Variants in KMT5B observed in about 807,000 individuals in gnomAD.
KMT5B encodes the protein lysine methyltransferase 5B.
Under a neutral mutation model 83.2 loss-of-function variants are expected in KMT5B, and 10 were observed. That is an observed-to-expected ratio of 0.12 (90% confidence interval 0.07 to 0.20). The LOEUF (loss-of-function observed/expected upper bound fraction) is 0.20. Ranked by LOEUF, KMT5B falls within the 10% of genes least tolerant of loss-of-function variation. The pLI, the probability that KMT5B is intolerant of heterozygous loss-of-function variation, is 1.00. For missense variants in KMT5B, 753 were observed against 1,067.2 expected (o/e 0.71, Z 4.10); for synonymous variants, 349 against 388.8 (o/e 0.90, Z 1.20).
At chr11:68,208,316 A>G (rs2153091014) in intron 1 of KMT5B, among the ~76,000 whole-genome samples, 1 of 145,430 alleles carries the variant, frequency 6.9e-6, no homozygotes, top group African/African-American at 2.4e-5. Context: ...GCGTGGTGGC[A>G]TGTGGCTGTA....
intron 6 of KMT5B, among the ~76,000 whole-genome samples, chr11:68,173,152 T>C (rs1483162175): frequency 2.0e-5 from 3 of 152,178 alleles, no homozygotes; most frequent in Admixed American, 6.5e-5. Context: ...GTGATTCTCC[T>C]GCCTCAGCCA....
intron 10 of KMT5B, among the ~76,000 whole-genome samples, chr11:68,162,853 C>A (rs1230577166): frequency 6.6e-6 from 1 of 151,972 alleles, no homozygotes; most frequent in Admixed American, 6.6e-5. Context: ...GTATGCTCAT[C>A]AAATCAAAGG....
chr11:68,202,768 T>TG, intron 1 of KMT5B, among the ~76,000 whole-genome samples: 2 of 151,926 alleles, frequency 1.3e-5, no homozygotes, highest in South Asian at 4.2e-4. Context: ...GGGCTGGTCT[T>TG]GAACTCTTGA....
At position 68,190,017 on chromosome 11, in the gene KMT5B, C is replaced by A. The variant is rs745423731; in HGVS notation, c.60G>T (p.Lys20Asn). The A allele has an allele frequency of 6.2e-7, 1 of 1,614,118 alleles. No homozygotes were observed. Among genetic ancestry groups the A allele is most frequent in the Non-Finnish European group, 8.5e-7 (1 of 1,179,988 alleles). Residue 20 changes from lysine to asparagine, a missense_variant, in exon 2 of 11, where the codon AAG becomes AAT. Coordinates refer to ENST00000304363, the MANE Select transcript of KMT5B (RefSeq NM_017635.5). Reference protein sequence around the residue: ...MVVNGRRNGGKLSNDHQQNQS... With the variant: ...MVVNGRRNGGNLSNDHQQNQS... The stretch of plus-strand genomic sequence containing the variant: ...GATTCTGCTGATGGTCATTAGACAA[C>A]TTGCCTCCATTTCTCCTGCCATTCA...
At chr11:68,195,279 C>A (rs1408360744) in intron 1 of KMT5B, among the ~76,000 whole-genome samples, 4 of 152,208 alleles carry the variant, frequency 2.6e-5, no homozygotes, top group Non-Finnish European at 5.9e-5. Context: ...CCTATCCCAC[C>A]TCTGTCTCTT....
At chr11:68,165,879 G>C (rs1323748122) in intron 10 of KMT5B, 4 of 1,612,774 alleles carry the variant, frequency 2.5e-6, no homozygotes, top group African/African-American at 1.3e-5. Context: ...CCAGCAGCAG[G>C]TAGATTCAGG....
intron 1 of KMT5B, among the ~76,000 whole-genome samples, chr11:68,201,641 C>T (rs755055622): frequency 6.6e-6 from 1 of 151,932 alleles, no homozygotes; most frequent in Non-Finnish European, 1.5e-5. Flanking sequence ...AGAATGTTAA[C>T]GTAATTCCTG....
chr11:68,169,106 T>C (rs1386086632), intron 9 of KMT5B, among the ~76,000 whole-genome samples: 1 of 152,256 alleles, frequency 6.6e-6, no homozygotes, highest in Non-Finnish European at 1.5e-5. Context: ...TTCTCCATCA[T>C]GCTGTTCCAT....
chr11:68,210,211 C>A (rs932055959), intron 1 of KMT5B, among the ~76,000 whole-genome samples: 2 of 151,734 alleles, frequency 1.3e-5, no homozygotes, highest in African/African-American at 4.8e-5. Context: ...ATGCAACTGG[C>A]ATTGTAGGAG....
intron 1 of KMT5B, among the ~76,000 whole-genome samples, chr11:68,202,263 A>G (rs1859529466): frequency 6.6e-6 from 1 of 152,188 alleles, no homozygotes; most frequent in Non-Finnish European, 1.5e-5. Context: ...TACATGTTCA[A>G]CTTTTCAAAA....
chr11:68,174,598 A>G (rs1043260489), intron 5 of KMT5B, among the ~76,000 whole-genome samples: 3 of 152,146 alleles, frequency 2.0e-5, no homozygotes, highest in Non-Finnish European at 4.4e-5. Context: ...GCATGATCAT[A>G]GCTCAGAGCA....
chr11:68,186,239 A>AACGGG (rs2153068394), intron 2 of KMT5B, among the ~76,000 whole-genome samples: 1 of 152,314 alleles, frequency 6.6e-6, no homozygotes, highest in East Asian at 1.9e-4. Context: ...AACACTGAGA[A>AACGGG]ACGGGACGGG....
intron 1 of KMT5B, among the ~76,000 whole-genome samples, chr11:68,203,882 G>T (rs1233804343): frequency 2.0e-5 from 3 of 148,874 alleles, no homozygotes; most frequent in African/African-American, 5.0e-5. Flanking sequence ...TGGTAATCAG[G>T]TATCTAGAAC....
At chr11:68,177,269 A>C (rs1260440326) in intron 4 of KMT5B, among the ~76,000 whole-genome samples, 4 of 152,234 alleles carry the variant, frequency 2.6e-5, no homozygotes, top group Non-Finnish European at 5.9e-5. Context: ...ATAGCACCTA[A>C]AAGTATAGAA....
intron 10 of KMT5B, chr11:68,165,825 A>C (rs1235192909): frequency 6.2e-7 from 1 of 1,609,484 alleles, no homozygotes; most frequent in Non-Finnish European, 8.5e-7. Flanking sequence ...ATAGGGCTAC[A>C]GCGCTGCTTT....
rs114727354 is a variant in KMT5B at position 68,173,898 on chromosome 11, G to T, written c.559C>A (p.Arg187=). The part of the protein sequence containing the change: ...LFKEHVFIYL[R]MFATDSGFEI... ...AATCCACTGTCAGTTGCAAACATTC[G>T]CAAATAAATAAATACCTAAAACAGG... The change falls in exon 6 of 11, where the codon CGA becomes AGA. Residue 187 remains arginine (R), a synonymous_variant. Transcript: ENST00000304363. The T allele has an allele frequency of 3.1e-3, 4,903 of 1,604,508 alleles. 77 individuals carry two copies. The African/African-American group carries it at 0.041, about 13-fold the overall frequency.
chr11:68,188,049 G>T (rs1329252551), intron 2 of KMT5B, among the ~76,000 whole-genome samples: 7 of 148,692 alleles, frequency 4.7e-5, no homozygotes, highest in African/African-American at 1.7e-4. Flanking sequence ...TTTTGAGATG[G>T]AGTCTCGCTC....
chr11:68,182,214 C>G (rs1409773616), intron 3 of KMT5B, among the ~76,000 whole-genome samples: 1 of 152,094 alleles, frequency 6.6e-6, no homozygotes, highest in Non-Finnish European at 1.5e-5. Flanking sequence ...TTTACGTGAG[C>G]CCTAGGAAAC....
intron 1 of KMT5B, among the ~76,000 whole-genome samples, chr11:68,192,795 G>T (rs1160325273): frequency 6.6e-6 from 1 of 152,160 alleles, no homozygotes; most frequent in Non-Finnish European, 1.5e-5. Context: ...TCAATTCACT[G>T]TTCTAGATAT....
Sources: gnomAD v4.1 joint callset for allele counts (sites outside exome capture counted in the v4.1 genomes callset) on GRCh38, gnomAD v4.1.1 for gene constraint, MANE v1.5 for transcripts, NCBI Gene and HGNC (gene_info 2026-07-23, HGNC 2026-07-21) for gene names.